CD2AP: variants seen among roughly 807,000 people sequenced by gnomAD.
CD2AP encodes the protein CD2 associated protein.
In CD2AP, 46 loss-of-function variants were observed where a neutral mutation model predicts 85.1. The ratio of observed to expected loss-of-function variants is 0.54; its 90% CI spans 0.43 to 0.69. The LOEUF is 0.69. Ranked by LOEUF, CD2AP falls within the 30% of genes least tolerant of loss-of-function variation. CD2AP has a pLI of 0.00. For synonymous variants in CD2AP, 255 were observed against 252.9 expected (o/e 1.01, Z -0.08); for missense variants, 769 against 729.5 (o/e 1.05, Z -0.62).
intron 17 of CD2AP, among the ~76,000 whole-genome samples, chr6:47,622,747 C>T (rs1769789447): frequency 6.6e-6 from 1 of 152,190 alleles, no homozygotes. Context: ...TGTCGGTCCT[C>T]TCGGGATTGC....
At chr6:47,601,308 T>C (rs761292392) in intron 13 of CD2AP, among the ~76,000 whole-genome samples, 1 of 151,924 alleles carries the variant, frequency 6.6e-6, no homozygotes, top group Non-Finnish European at 1.5e-5. Flanking sequence ...TGTTCTTTTC[T>C]TTCAATAAAT....
intron 12 of CD2AP, 142 bp downstream of exon 12, chr6:47,596,168 G>A: frequency 1.5e-6 from 1 of 680,392 alleles, no homozygotes; most frequent in Non-Finnish European, 2.6e-6. Flanking sequence ...ATACAATTGT[G>A]TGTATTTATT....
intron 13 of CD2AP, among the ~76,000 whole-genome samples, chr6:47,605,539 T>C (rs1027019919): frequency 6.6e-6 from 1 of 151,920 alleles, no homozygotes; most frequent in Admixed American, 6.6e-5. Context: ...GATTTGTAGC[T>C]GTCTTATGAT....
chr6:47,536,660 A>G (rs9395273), intron 3 of CD2AP, among the ~76,000 whole-genome samples: 93,055 of 152,012 alleles, frequency 0.61, 29,223 homozygotes, highest in Middle Eastern at 0.74. Flanking sequence ...GGTAAAACAA[A>G]GAAGTATTAA....
chr6:47,557,924 C>T (rs1481087725), intron 5 of CD2AP, among the ~76,000 whole-genome samples: 1 of 152,088 alleles, frequency 6.6e-6, no homozygotes, highest in African/African-American at 2.4e-5. Flanking sequence ...GGCAGTATGG[C>T]CATTTTCATG....
chr6:47,535,731 A>G (rs1465414972), intron 3 of CD2AP, among the ~76,000 whole-genome samples: 1 of 152,098 alleles, frequency 6.6e-6, no homozygotes, highest in Admixed American at 6.5e-5. Context: ...AGACTGGGGG[A>G]CAAATAACAG....
chr6:47,531,450 G>A (rs960027697), intron 2 of CD2AP, among the ~76,000 whole-genome samples: 5 of 151,690 alleles, frequency 3.3e-5, no homozygotes, highest in African/African-American at 9.7e-5. Context: ...ACCGAGGACT[G>A]GAGAGACGAT....
intron 11 of CD2AP, among the ~76,000 whole-genome samples, chr6:47,594,025 G>A (rs573906380): frequency 2.0e-5 from 3 of 152,174 alleles, no homozygotes; most frequent in South Asian, 2.1e-4. Context: ...TGGGCTAAGC[G>A]AAAGAAGCCA....
At chr6:47,623,807 C>A (rs1769824894) in intron 17 of CD2AP, among the ~76,000 whole-genome samples, 1 of 151,998 alleles carries the variant, frequency 6.6e-6, no homozygotes, top group Non-Finnish European at 1.5e-5. Context: ...GGTCTCTATT[C>A]TTTTTACTGT....
chr6:47,589,659 G>A lies in CD2AP; in HGVS notation c.1109-6202G>A, dbSNP rs542221644. ...ATAAGATCAAGATAGAGGGGAAGAG[G>A]AGAGCCCAGTAAAGTCTGGCATTGG... is the stretch of plus-strand genomic sequence containing the variant. On this transcript the variant is annotated intron_variant, in intron 11 of 17. Transcript: ENST00000359314. Among the ~76,000 whole-genome samples the A allele has an allele frequency of 1.8e-3, 279 of 151,272 alleles. 1 individual carries two copies. Among genetic ancestry groups the A allele is most frequent in the Non-Finnish European group, 3.0e-3 (200 of 67,744 alleles).
In CD2AP at chr6:47,554,821, A is replaced by T. The variant is rs555004813; in HGVS notation, c.541+55A>T. ...TTTAAATAAACTTTATATAGCATCT[A>T]GTGTTTTATTTTGTATTTTTTGAAA... On this transcript the variant is annotated intron_variant, in intron 5 of 17. Coordinates refer to ENST00000359314, the MANE Select transcript of CD2AP (RefSeq NM_012120.3). 8.2e-6 allele frequency: 12 copies of T among 1,455,536 alleles called. No individual in the cohort carries two copies. The South Asian group carries it at 1.5e-4, about 19-fold the overall frequency. 90.2% of individuals were successfully genotyped at this position (1,455,536 alleles called of 1,614,324 possible).
intron 1 of CD2AP, among the ~76,000 whole-genome samples, chr6:47,479,322 G>A (rs1312480815): frequency 1.3e-5 from 2 of 152,218 alleles, no homozygotes; most frequent in African/African-American, 4.8e-5. Context: ...TGATTTAGAA[G>A]CAGGACGAAT....
At chr6:47,521,517 A>C (rs1474946897) in intron 2 of CD2AP, among the ~76,000 whole-genome samples, 2 of 152,020 alleles carry the variant, frequency 1.3e-5, no homozygotes, top group Non-Finnish European at 2.9e-5. Context: ...GCACCAGTGC[A>C]CTCCAGCCTG....
At chr6:47,493,947 AT>A (rs796651064) in intron 1 of CD2AP, among the ~76,000 whole-genome samples, 1 of 151,672 alleles carries the variant, frequency 6.6e-6, no homozygotes, top group African/African-American at 2.4e-5. Context: ...TACCATATCC[AT>A]TTTTTTCTTA....
intron 1 of CD2AP, among the ~76,000 whole-genome samples, chr6:47,501,190 C>A (rs1365732905): frequency 6.6e-6 from 1 of 152,124 alleles, no homozygotes; most frequent in South Asian, 2.1e-4. Context: ...AGTTTGAGAG[C>A]AGGCTGAGTA....
chr6:47,490,403 A>G (rs1453437586), intron 1 of CD2AP, among the ~76,000 whole-genome samples: 2 of 152,168 alleles, frequency 1.3e-5, no homozygotes, highest in African/African-American at 4.8e-5. Context: ...GGCTATTCAT[A>G]TGGTATTTTT....
At position 47,574,157 on chromosome 6, in the gene CD2AP, G is replaced by T. The variant is rs754966889; in HGVS notation, c.635G>T (p.Arg212Leu). The T allele has an allele frequency of 8.7e-6, 14 of 1,613,976 alleles. No homozygotes were observed. In the Admixed American group the frequency reaches 2.3e-4, roughly 27 times the overall value. Residue 212 changes from arginine to leucine, a missense_variant, in exon 6 of 18, where the codon CGA becomes CTA. Transcript: ENST00000359314. ...TCAGTTACACAGCCAAAGAAAATTCGAGGAATTGGATTTGGAGACATTTTT... is the reference window on the plus strand; with the variant it reads ...TCAGTTACACAGCCAAAGAAAATTCTAGGAATTGGATTTGGAGACATTTTT... ...SGSVTQPKKIRGIGFGDIFKE... is the reference protein window; with the variant it reads ...SGSVTQPKKILGIGFGDIFKE...
intron 2 of CD2AP, among the ~76,000 whole-genome samples, chr6:47,531,542 A>G (rs1274445336): frequency 6.6e-6 from 1 of 150,470 alleles, no homozygotes; most frequent in Non-Finnish European, 1.5e-5. Context: ...GCCAGTGCAT[A>G]CCTTAAATAA....
At chr6:47,594,601 T>C (rs1257194737) in intron 11 of CD2AP, among the ~76,000 whole-genome samples, 1 of 152,070 alleles carries the variant, frequency 6.6e-6, no homozygotes, top group Non-Finnish European at 1.5e-5. Flanking sequence ...CTGGTTGTTA[T>C]AACTACAAAT....
Sources: gnomAD v4.1 joint callset for allele counts (sites outside exome capture counted in the v4.1 genomes callset) on GRCh38, gnomAD v4.1.1 for gene constraint, MANE v1.5 for transcripts, NCBI Gene and HGNC (gene_info 2026-07-23, HGNC 2026-07-21) for gene names.